The following HEXB variants were observed in gnomAD, a reference collection of about 807,000 sequenced individuals.
The protein encoded by HEXB is beta-hexosaminidase subunit beta.
HEXB carries 51 observed loss-of-function variants against 71.2 expected under a neutral mutation model. The ratio of observed to expected loss-of-function variants is 0.72; its 90% CI spans 0.57 to 0.90. The LOEUF is 0.90. Ranked by LOEUF, HEXB falls within the 40% of genes least tolerant of loss-of-function variation. The pLI, the probability that HEXB is intolerant of heterozygous loss-of-function variation, is 0.00. For missense variants in HEXB, 617 were observed against 677.0 expected (o/e 0.91, Z 0.98); for synonymous variants, 266 against 249.3 (o/e 1.07, Z -0.63).
intron 1 of HEXB, among the ~76,000 whole-genome samples, chr5:74,670,028 A>G (rs577713117): frequency 6.6e-6 from 1 of 152,272 alleles, no homozygotes; most frequent in South Asian, 2.1e-4. Flanking sequence ...GTGAAACCTG[A>G]CCTTCAAACC....
chr5:74,714,217 GTTC>G (rs1321340389), intron 7 of HEXB, among the ~76,000 whole-genome samples: 2 of 152,126 alleles, frequency 1.3e-5, no homozygotes, highest in African/African-American at 4.8e-5. Flanking sequence ...TGCTCATTTT[GTTC>G]TTAATTGTGA....
At chr5:74,662,982 C>T (rs890870864) in intron 1 of HEXB, among the ~76,000 whole-genome samples, 2 of 152,156 alleles carry the variant, frequency 1.3e-5, no homozygotes, top group South Asian at 4.1e-4. Flanking sequence ...CTCCCCACCA[C>T]CATCATACGG....
upstream of HEXB, among the ~76,000 whole-genome samples, chr5:74,683,510 G>T (rs1324993630): frequency 6.6e-6 from 1 of 152,096 alleles, no homozygotes; most frequent in Non-Finnish European, 1.5e-5. Flanking sequence ...CACCATGTTG[G>T]CCAGGCTGGT....
intron 5 of HEXB, among the ~76,000 whole-genome samples, chr5:74,703,240 A>C (rs1203349134): frequency 1.3e-5 from 2 of 152,252 alleles, no homozygotes; most frequent in African/African-American, 4.8e-5. Context: ...GGCGTGAGCC[A>C]CTGTGCCCAG....
At chr5:74,673,059 A>G (rs1748567480) in intron 1 of HEXB, among the ~76,000 whole-genome samples, 1 of 152,252 alleles carries the variant, frequency 6.6e-6, no homozygotes, top group African/African-American at 2.4e-5. Flanking sequence ...ATGAATACCC[A>G]AATTATATAA....
At chr5:74,713,748 C>A in intron 7 of HEXB, 113 bp downstream of exon 7, 1 of 835,202 alleles carries the variant, frequency 1.2e-6, no homozygotes. Flanking sequence ...ACTGCAACCT[C>A]CACCTCCCAG....
intron 1 of HEXB, among the ~76,000 whole-genome samples, chr5:74,653,874 A>C (rs1345683439): frequency 6.6e-6 from 1 of 152,146 alleles, no homozygotes; most frequent in Non-Finnish European, 1.5e-5. Flanking sequence ...GATAGGTCAC[A>C]TCTTCAAAGA....
chr5:74,676,262 T>C (rs986557750), intron 1 of HEXB, among the ~76,000 whole-genome samples: 9 of 152,208 alleles, frequency 5.9e-5, no homozygotes, highest in African/African-American at 2.2e-4. Flanking sequence ...GGAGCATAGA[T>C]TCAAATTGCC....
chr5:74,659,555 T>G (rs115010680), intron 1 of HEXB, among the ~76,000 whole-genome samples: 2,425 of 151,868 alleles, frequency 0.016, 74 homozygotes, highest in African/African-American at 0.054. Flanking sequence ...AAATAGAAGG[T>G]GTAAAGAAGG....
At chr5:74,660,757 G>GA (rs532544222) in intron 1 of HEXB, among the ~76,000 whole-genome samples, 8 of 151,670 alleles carry the variant, frequency 5.3e-5, no homozygotes, top group East Asian at 1.9e-4. Context: ...ATTACCACTG[G>GA]AAAAAAAACA....
At chr5:74,706,148 C>T (rs961691694) in intron 6 of HEXB, 1 of 152,304 alleles carries the variant, frequency 6.6e-6, no homozygotes, top group African/African-American at 2.4e-5. Flanking sequence ...ACTTAAACTC[C>T]TGCGGACAAG....
At chr5:74,718,427 T>C in intron 10 of HEXB, 64 bp downstream of exon 10, 1 of 1,241,192 alleles carries the variant, frequency 8.1e-7, no homozygotes, top group East Asian at 2.3e-5. Context: ...TTGGGGCAAC[T>C]GGGAATTTGC....
intron 2 of HEXB, among the ~76,000 whole-genome samples, chr5:74,690,649 C>CAAAAAAAAA (rs60786265): frequency 6.7e-5 from 4 of 59,746 alleles, no homozygotes; most frequent in Admixed American, 4.8e-4. Flanking sequence ...GAGACAGTCT[C>CAAAAAAAAA]AAAAAAAAAA....
At chr5:74,660,757 G>A (rs1035624083) in intron 1 of HEXB, among the ~76,000 whole-genome samples, 1 of 151,670 alleles carries the variant, frequency 6.6e-6, no homozygotes, top group African/African-American at 2.4e-5. Context: ...ATTACCACTG[G>A]AAAAAAAACA....
intron 1 of HEXB, among the ~76,000 whole-genome samples, chr5:74,686,303 C>T (rs1016174465): frequency 1.3e-5 from 2 of 152,146 alleles, no homozygotes; most frequent in Admixed American, 1.3e-4. Context: ...ATAGACAAGG[C>T]AGGTTCCCCT....
chr5:74,696,104 A>T (rs1749108073), intron 3 of HEXB, among the ~76,000 whole-genome samples: 1 of 152,214 alleles, frequency 6.6e-6, no homozygotes, highest in African/African-American at 2.4e-5. Context: ...CTGGCTATAT[A>T]GCTGTCAGCT....
At chr5:74,704,529 C>T (rs116220756) in intron 5 of HEXB, among the ~76,000 whole-genome samples, 2,198 of 152,172 alleles carry the variant, frequency 0.014, 50 homozygotes, top group African/African-American at 0.047. Flanking sequence ...ACTCAAATTT[C>T]AGAACTGTGG....
At chr5:74,698,653 G>A (rs1749176231) in intron 5 of HEXB, among the ~76,000 whole-genome samples, 1 of 151,886 alleles carries the variant, frequency 6.6e-6, no homozygotes, top group Admixed American at 6.6e-5. Flanking sequence ...GCCTCCCAAA[G>A]TGCTGGGATT....
intron 6 of HEXB, among the ~76,000 whole-genome samples, chr5:74,708,941 C>T (rs1465946781): frequency 1.3e-5 from 2 of 152,142 alleles, no homozygotes; most frequent in Non-Finnish European, 1.5e-5. Context: ...ACCAAGTGAA[C>T]CTAATAGACA....
Sources: gnomAD v4.1 joint callset for allele counts (sites outside exome capture counted in the v4.1 genomes callset) on GRCh38, gnomAD v4.1.1 for gene constraint, MANE v1.5 for transcripts, NCBI Gene and HGNC (gene_info 2026-07-23, HGNC 2026-07-21) for gene names.